Variants in PSD2 observed in about 807,000 individuals in gnomAD.
PSD2 encodes PH and SEC7 domain-containing protein 2.
PSD2 carries 38 observed loss-of-function variants against 69.8 expected under a neutral mutation model. The ratio of observed to expected loss-of-function variants is 0.54; its 90% CI spans 0.42 to 0.71. PSD2 has a LOEUF of 0.71. Ranked by LOEUF, PSD2 falls within the 30% of genes least tolerant of loss-of-function variation. PSD2 has a pLI of 0.00. For synonymous variants in PSD2, 412 were observed against 423.0 expected, an observed-to-expected ratio of 0.97 and a Z score of 0.32; for missense variants, 943 against 1,014.5, an observed-to-expected ratio of 0.93 and a Z score of 0.96.
chr5:139,783,788 G>C, the PSD2 span, among the ~76,000 whole-genome samples: 1 of 151,910 alleles, frequency 6.6e-6, no homozygotes, highest in African/African-American at 2.4e-5. Context: ...TGATTTCATC[G>C]GCAGCTTCTG....
chr5:139,810,153 C>A (rs1050969292), intron 2 of PSD2, among the ~76,000 whole-genome samples: 4 of 152,140 alleles, frequency 2.6e-5, no homozygotes, highest in African/African-American at 4.8e-5. Flanking sequence ...TGGTTCATTT[C>A]TCTGCTTCCT....
chr5:139,831,664 T>C (rs886464402), intron 7 of PSD2, among the ~76,000 whole-genome samples: 1 of 152,236 alleles, frequency 6.6e-6, no homozygotes, highest in Non-Finnish European at 1.5e-5. Context: ...CTCTCTTAAC[T>C]TACATACTCC....
rs773018430 is a variant in PSD2, at chr5:139,833,809, T to C, written c.1359+18T>C. 3 of 1,571,946 alleles carry C rather than the reference T, an allele frequency of 1.9e-6. No individual in the cohort carries two copies. In the South Asian group the frequency reaches 3.3e-5, roughly 17 times the overall value. On this transcript the variant is annotated intron_variant, in intron 8 of 14. Coordinates refer to ENST00000274710, the MANE Select transcript of PSD2 (RefSeq NM_032289.4). ...TGCTGAAGGTACTGTCTGCTGAGTG[T>C]CCCCATCCCACTAGCTGTGCCCTGA... is the stretch of plus-strand genomic sequence containing the variant.
Position 139,813,639 on chromosome 5 carries a change from C to T in PSD2, c.702C>T (p.Val234=). Residue 234 remains valine (V), a synonymous_variant, in exon 3 of 15, where the codon GTC becomes GTT. Transcript: ENST00000274710. ...RSISSSRSEN[V]LSRLSLMAMP... ...TCTCCAGCAGCCGCTCTGAGAATGT[C>T]CTGAGCCGCCTGTCTCTCATGGCCA... 6.2e-7 allele frequency: 1 copy of T among 1,613,848 alleles called. No homozygotes were observed. Among genetic ancestry groups the T allele is most frequent in the Non-Finnish European group, 8.5e-7 (1 of 1,179,946 alleles).
intron 4 of PSD2, 64 bp from the exon 5 acceptor site, chr5:139,817,417 C>T: frequency 6.9e-7 from 1 of 1,458,370 alleles, no homozygotes; most frequent in East Asian, 2.3e-5. Flanking sequence ...CAAGTAATGC[C>T]TGTGATTCTG....
chr5:139,750,376 C>A, the PSD2 span, among the ~76,000 whole-genome samples: 1 of 152,108 alleles, frequency 6.6e-6, no homozygotes, highest in Admixed American at 6.6e-5. Context: ...TATCTCAACT[C>A]CAAACTGCCC....
At chr5:139,799,697 C>A (rs1415670777) in intron 1 of PSD2, among the ~76,000 whole-genome samples, 1 of 151,890 alleles carries the variant, frequency 6.6e-6, no homozygotes, top group Non-Finnish European at 1.5e-5. Flanking sequence ...GGGGGGACAG[C>A]ATTGGGGCTG....
the PSD2 span, among the ~76,000 whole-genome samples, chr5:139,785,398 AT>A: frequency 2.0e-5 from 3 of 151,530 alleles, no homozygotes; most frequent in Non-Finnish European, 4.4e-5. Flanking sequence ...TAATTTTTGT[AT>A]TTTTAATAGA....
the PSD2 span, among the ~76,000 whole-genome samples, chr5:139,764,708 G>T: frequency 6.6e-6 from 1 of 152,198 alleles, no homozygotes; most frequent in South Asian, 2.1e-4. Context: ...GATGGGAGGG[G>T]CTGAGCAGGG....
At chr5:139,807,133 C>T (rs1363799713) in intron 1 of PSD2, among the ~76,000 whole-genome samples, 5 of 152,184 alleles carry the variant, frequency 3.3e-5, no homozygotes, top group Non-Finnish European at 5.9e-5. Context: ...ACTCTTAAAC[C>T]TCAGGTTTCA....
rs1176584796 is a variant in PSD2, at chr5:139,795,824, G to C, written c.-202G>C. 1 of 151,442 alleles carries C rather than the reference G, an allele frequency of 6.6e-6. No individual in the cohort carries two copies. The highest frequency in any genetic ancestry group is 1.5e-5 in the Non-Finnish European group (1 of 67,888). The allele number at this position is 151,442 out of a possible 1,614,324, so 9.4% of individuals were successfully genotyped here. On this transcript the variant is annotated 5_prime_UTR_variant, in exon 1 of 15. Coordinates refer to ENST00000274710, the MANE Select transcript of PSD2 (RefSeq NM_032289.4). This position sits in a 1 kb window ranked among gnomAD's most constrained non-coding sequence, Gnocchi z 4.5. ...CTCCCTCCTGCCGTCCGTCCCCCTCGCTCAGCCTCTCCACATCGCGGCTCC... is the reference window on the plus strand; with the variant it reads ...CTCCCTCCTGCCGTCCGTCCCCCTCCCTCAGCCTCTCCACATCGCGGCTCC...
At chr5:139,773,998 T>C in the PSD2 span, among the ~76,000 whole-genome samples, 2 of 140,430 alleles carry the variant, frequency 1.4e-5, no homozygotes, top group East Asian at 2.1e-4. Context: ...TTGAGGGACA[T>C]TGTCCCTCAA....
At chr5:139,746,144 T>C in the PSD2 span, 1 of 152,136 alleles carries the variant, frequency 6.6e-6, no homozygotes, top group Non-Finnish European at 1.5e-5. This position sits in a 1 kb window ranked among gnomAD's most constrained non-coding sequence, Gnocchi z 4.5. Context: ...TGGACAAAAC[T>C]ATATCTAAGC....
chr5:139,773,533 G>T, the PSD2 span, among the ~76,000 whole-genome samples: 1 of 151,998 alleles, frequency 6.6e-6, no homozygotes, highest in Admixed American at 6.6e-5. Flanking sequence ...TTTACTTTCT[G>T]TCTCTATGAA....
Position 139,813,349 on chromosome 5 carries a change from A to T in PSD2, c.412A>T (p.Ser138Cys). The change falls in exon 3 of 15, where the codon AGC becomes TGC. Residue 138 changes from serine to cysteine, a missense_variant. This residue lies in a region of PSD2 where 466 missense variants were observed against 445.0 expected (regional missense o/e 1.05). Transcript: ENST00000274710. ...GGAGCCAGATGTGCGGGATGGCTTC[A>T]GCGCCACGTTTGAGAAGATTCTGGA... is the stretch of plus-strand genomic sequence containing the variant. The part of the protein sequence containing the change: ...PGEPDVRDGF[S>C]ATFEKILESE... 1 of 1,579,568 alleles carries T rather than the reference A, an allele frequency of 6.3e-7. No homozygotes were observed. The highest frequency in any genetic ancestry group is 8.6e-7 in the Non-Finnish European group (1 of 1,156,784).
At chr5:139,842,095 T>C (rs1018865390) in intron 14 of PSD2, among the ~76,000 whole-genome samples, 176 bp from the exon 15 acceptor site, 3 of 152,262 alleles carry the variant, frequency 2.0e-5, no homozygotes, top group Non-Finnish European at 2.9e-5. Flanking sequence ...TTTCAAATTA[T>C]GAATGAAGTT....
chr5:139,767,604 G>A, the PSD2 span, among the ~76,000 whole-genome samples: 1 of 152,088 alleles, frequency 6.6e-6, no homozygotes, highest in Non-Finnish European at 1.5e-5. Context: ...TGTGAGACAC[G>A]GCATCTGGCC....
chr5:139,780,469 T>A, the PSD2 span, among the ~76,000 whole-genome samples: 8 of 152,218 alleles, frequency 5.3e-5, no homozygotes, highest in Admixed American at 5.2e-4. Context: ...TTTGAGACAT[T>A]GTCTCGCTCT....
chr5:139,770,191 G>A, the PSD2 span, among the ~76,000 whole-genome samples: 2 of 152,182 alleles, frequency 1.3e-5, no homozygotes, highest in Non-Finnish European at 2.9e-5. Context: ...AACGCTGACA[G>A]CCCTGAGGGA....
Sources: gnomAD v4.1 joint callset for allele counts (sites outside exome capture counted in the v4.1 genomes callset) on GRCh38, gnomAD v4.1.1 for gene constraint, gnomAD v4.1.1 regional missense constraint, Gnocchi (gnomAD v3.1) non-coding constraint, MANE v1.5 for transcripts, NCBI Gene and HGNC (gene_info 2026-07-23, HGNC 2026-07-21) for gene names.